Variants in KDM7A observed in about 807,000 individuals in gnomAD.
The protein encoded by KDM7A is lysine demethylase 7A.
Under a neutral mutation model 114.8 loss-of-function variants are expected in KDM7A, and 28 were observed. That is an observed-to-expected ratio of 0.24 (90% confidence interval 0.18 to 0.33). The LOEUF (loss-of-function observed/expected upper bound fraction) is 0.33. Among genes scored for constraint, KDM7A ranks in the 10% least tolerant of loss-of-function variants. The pLI is 1.00. For missense variants in KDM7A, 942 were observed against 1,142.5 expected (o/e 0.82, Z 2.53); for synonymous variants, 423 against 397.8 (o/e 1.06, Z -0.75).
intron 8 of KDM7A, 121 bp downstream of exon 8, chr7:140,120,321 C>G (rs1354364804): frequency 1.7e-6 from 1 of 596,930 alleles, no homozygotes; most frequent in East Asian, 2.8e-5. Flanking sequence ...CTAATAATAT[C>G]TCAGGGACTA....
intron 9 of KDM7A, among the ~76,000 whole-genome samples, chr7:140,117,471 C>CGTGTGT (rs35717607): frequency 6.7e-6 from 1 of 149,688 alleles, no homozygotes; most frequent in Non-Finnish European, 1.5e-5. Context: ...AGGGTAGAGG[C>CGTGTGT]GTGTGTGTGT....
chr7:140,114,041 A>C (rs930802158), intron 9 of KDM7A, among the ~76,000 whole-genome samples: 1 of 152,240 alleles, frequency 6.6e-6, no homozygotes, highest in Admixed American at 6.5e-5. Flanking sequence ...AAGCTTCCAA[A>C]AGAAAGGGGG....
At chr7:140,100,735 TATATATACATATA>T (rs1818208184) in intron 12 of KDM7A, among the ~76,000 whole-genome samples, 1 of 51,670 alleles carries the variant, frequency 1.9e-5, no homozygotes, top group African/African-American at 7.2e-5. Flanking sequence ...TATATATATA[TATATATACATATA>T]TATTTTTTTG....
chr7:140,091,024 G>A lies in KDM7A; in HGVS notation c.*70C>T. 1.8e-6 allele frequency: 2 copies of A among 1,090,680 alleles called. No homozygotes were observed. Among genetic ancestry groups the A allele is most frequent in the South Asian group, 2.5e-5 (2 of 80,150 alleles). 67.6% of individuals were successfully genotyped at this position (1,090,680 alleles called of 1,614,324 possible). Reference sequence around the variant, plus strand: ...ACAAACTGCTCCAGGCAGGGGGACAGCGGAAGCTCCAGGCTCCTGCACCCC... The same window carrying A: ...ACAAACTGCTCCAGGCAGGGGGACAACGGAAGCTCCAGGCTCCTGCACCCC... On this transcript the variant is annotated 3_prime_UTR_variant, in exon 20 of 20. Transcript: ENST00000397560.
rs994184745 is a variant in KDM7A at position 140,096,736 on chromosome 7, C to T, written c.2193G>A (p.Glu731=). Residue 731 remains glutamate (E), a synonymous_variant, in exon 17 of 20, where the codon GAG becomes GAA. Coordinates refer to ENST00000397560, the MANE Select transcript of KDM7A (RefSeq NM_030647.2). Reference sequence around the variant, plus strand: ...ACAGCATGCCCTGAATAGCTTCTTCCTCTGTGCTCGTCGAGGTAGGACATT... The same window carrying T: ...ACAGCATGCCCTGAATAGCTTCTTCTTCTGTGCTCGTCGAGGTAGGACATT... The part of the protein sequence containing the change: ...KRECPTSTST[E]EEAIQGMLSM... The T allele has an allele frequency of 1.9e-6, 3 of 1,614,058 alleles. No individual in the cohort carries two copies. Among genetic ancestry groups the T allele is most frequent in the East Asian group, 2.2e-5 (1 of 44,890 alleles).
At chr7:140,159,580 A>G (rs1346567066) in intron 1 of KDM7A, among the ~76,000 whole-genome samples, 2 of 152,204 alleles carry the variant, frequency 1.3e-5, no homozygotes, top group Non-Finnish European at 2.9e-5. Flanking sequence ...ACAGACTTCA[A>G]GCAGGCTTGA....
chr7:140,094,002 C>T (rs1818063825), intron 18 of KDM7A, 54 bp downstream of exon 18: 1 of 1,101,892 alleles, frequency 9.1e-7, no homozygotes, highest in Non-Finnish European at 1.4e-6. Context: ...AAAGCAAAAA[C>T]AACGTTAATG....
chr7:140,166,965 C>T (rs1319692383), intron 1 of KDM7A, among the ~76,000 whole-genome samples: 3 of 151,876 alleles, frequency 2.0e-5, no homozygotes, highest in Non-Finnish European at 2.9e-5. Flanking sequence ...CAACAGCAAA[C>T]AATAACCAAC....
chr7:140,092,586 A>G (rs1316233161), intron 18 of KDM7A, among the ~76,000 whole-genome samples: 3 of 152,184 alleles, frequency 2.0e-5, no homozygotes, highest in African/African-American at 7.2e-5. Context: ...TCTTAAGACT[A>G]TCGAGTAAAC....
At chr7:140,093,531 A>G (rs1282308934) in intron 18 of KDM7A, among the ~76,000 whole-genome samples, 1 of 152,218 alleles carries the variant, frequency 6.6e-6, no homozygotes, top group African/African-American at 2.4e-5. Flanking sequence ...AAGGTTTGCA[A>G]AAAAAGGTTG....
At chr7:140,166,478 T>C (rs886867861) in intron 1 of KDM7A, among the ~76,000 whole-genome samples, 1 of 151,550 alleles carries the variant, frequency 6.6e-6, no homozygotes, top group Non-Finnish European at 1.5e-5. Flanking sequence ...TAGCTGGGAA[T>C]ACAGGCACTC....
At chr7:140,144,555 ACACT>A (rs1314117032) in intron 1 of KDM7A, among the ~76,000 whole-genome samples, 3 of 152,202 alleles carry the variant, frequency 2.0e-5, no homozygotes, top group African/African-American at 7.2e-5. Flanking sequence ...TTAGTGTGAG[ACACT>A]CAGCTGAGTA....
intron 1 of KDM7A, among the ~76,000 whole-genome samples, chr7:140,146,417 T>C (rs1794340737): frequency 6.6e-6 from 1 of 152,082 alleles, no homozygotes; most frequent in Non-Finnish European, 1.5e-5. Context: ...TACTAAAAAA[T>C]TGCTAGAATC....
chr7:140,158,920 C>G lies in KDM7A; in HGVS notation c.194+17824G>C, dbSNP rs199606887. Among the ~76,000 whole-genome samples the G allele has an allele frequency of 1.4e-4, 22 of 152,088 alleles. No homozygotes were observed. The East Asian group carries it at 4.2e-3, about 29-fold the overall frequency. On this transcript the variant is annotated intron_variant, in intron 1 of 19. Transcript: ENST00000397560. ...TCATTTCCTAGGAAAGGAAAAAAAC[C>G]AAAAAACTGGAAACAGCAAGTAGGA...
chr7:140,113,494 T>C lies in KDM7A; in HGVS notation c.1335A>G (p.Lys445=). 1 of 1,561,988 alleles carries C rather than the reference T, an allele frequency of 6.4e-7. No individual in the cohort carries two copies. Among genetic ancestry groups the C allele is most frequent in the Non-Finnish European group, 8.8e-7 (1 of 1,139,282 alleles). Residue 445 remains lysine, a synonymous_variant, in exon 10 of 20, where the codon AAA becomes AAG. Transcript: ENST00000397560. ...TTTCACTGTTGAAACAACTTACTTC[T>C]TTTTTCATCCATAATTTTAAAGCAG... is the stretch of plus-strand genomic sequence containing the variant. ...LHTALKLWMK[K]ELVSEHAFEI... is the part of the protein sequence containing the mutation.
chr7:140,173,882 G>A (rs1324603195), intron 1 of KDM7A, among the ~76,000 whole-genome samples: 3 of 152,104 alleles, frequency 2.0e-5, no homozygotes, highest in African/African-American at 7.2e-5. Context: ...AAACTTACTA[G>A]GCCGGGCAGG....
chr7:140,105,929 T>C (rs1379685147), intron 11 of KDM7A, among the ~76,000 whole-genome samples: 1 of 152,136 alleles, frequency 6.6e-6, no homozygotes, highest in Non-Finnish European at 1.5e-5. Context: ...TGGACTTTTT[T>C]TGGGTGGTAG....
intron 2 of KDM7A, among the ~76,000 whole-genome samples, chr7:140,135,205 C>CTTT (rs11336171): frequency 5.3e-5 from 7 of 131,846 alleles, no homozygotes; most frequent in Non-Finnish European, 1.1e-4. Context: ...TACATAACTC[C>CTTT]TTTTTTTTTT....
intron 1 of KDM7A, 138 bp from the exon 2 acceptor site, chr7:140,139,328 A>G: frequency 1.7e-6 from 1 of 595,104 alleles, no homozygotes; most frequent in East Asian, 2.8e-5. Context: ...AAACACATAT[A>G]AAGATAAATT....
Sources: gnomAD v4.1 joint callset for allele counts (sites outside exome capture counted in the v4.1 genomes callset) on GRCh38, gnomAD v4.1.1 for gene constraint, MANE v1.5 for transcripts, NCBI Gene and HGNC (gene_info 2026-07-23, HGNC 2026-07-21) for gene names.